POTEF: variants seen among roughly 807,000 people sequenced by gnomAD.
POTEF encodes the protein POTE ankyrin domain family member F.
Under a neutral mutation model 83.2 loss-of-function variants are expected in POTEF, and 20 were observed. The observed-to-expected ratio is 0.24, with a 90% CI of 0.17 to 0.35. POTEF has a LOEUF of 0.35. Ranked by LOEUF, POTEF falls within the 10% of genes least tolerant of loss-of-function variation. The pLI, the probability that POTEF is intolerant of heterozygous loss-of-function variation, is 1.00. For synonymous variants in POTEF, 196 were observed against 446.4 expected (o/e 0.44, Z 7.07); for missense variants, 550 against 1,203.2 (o/e 0.46, Z 8.03).
chr2:130,120,970 G>GC (rs1684987675), intron 2 of POTEF: 1 of 253,360 alleles, frequency 3.9e-6, no homozygotes, highest in Non-Finnish European at 7.4e-6. Flanking sequence ...CGTGCAGCAT[G>GC]CGCGTGCAAG....
chr2:130,103,152 G>A lies in POTEF; in HGVS notation c.1127-972C>T, dbSNP rs1452816513. Among the ~76,000 whole-genome samples the A allele has an allele frequency of 4.2e-5, 6 of 143,802 alleles. No individual in the cohort carries two copies. In the Admixed American group the frequency reaches 4.2e-4, roughly 10 times the overall value. 94.3% of individuals were successfully genotyped at this position (143,802 alleles called of 152,430 possible). On this transcript the variant is annotated intron_variant, in intron 8 of 16. Transcript: ENST00000409914. ...GGTCTTGCTCTGTCACCAGGCTGGA[G>A]TGCAGTGGCGCAATCTCAGCTCACT...
intron 7 of POTEF, among the ~76,000 whole-genome samples, chr2:130,108,512 G>A (rs1289737063): frequency 6.6e-6 from 1 of 151,262 alleles, no homozygotes; most frequent in African/African-American, 2.5e-5. Flanking sequence ...AATGCTCAGA[G>A]AAATAGTAAA....
chr2:130,116,332 A>G (rs1325242315), intron 3 of POTEF, among the ~76,000 whole-genome samples: 2 of 150,440 alleles, frequency 1.3e-5, no homozygotes, highest in Admixed American at 1.3e-4. Flanking sequence ...TTATGAAACG[A>G]TTTGTGGAGC....
chr2:130,075,054 G>A lies in POTEF; in HGVS notation c.2418C>T (p.Thr806=), dbSNP rs566969052. The A allele has an allele frequency of 2.8e-5, 45 of 1,613,804 alleles. No homozygotes were observed. The South Asian group carries it at 3.0e-4, about 11-fold the overall frequency. The change falls in exon 17 of 17, where the codon ACC becomes ACT. Residue 806 remains threonine, a synonymous_variant. Transcript: ENST00000409914. The part of the protein sequence containing the change: ...VAPEEHPVLL[T]EATLNPKANR... ...TGGCCTTAGGGTTCAGGGTGGCCTC[G>A]GTCAGCAGGACGGGGTGCTCCTCGG...
At chr2:130,107,333 T>G (rs972613864) in intron 8 of POTEF, among the ~76,000 whole-genome samples, 1 of 150,960 alleles carries the variant, frequency 6.6e-6, no homozygotes, top group Admixed American at 6.6e-5. Flanking sequence ...AGGAATGAAG[T>G]CAGTAATAGT....
At chr2:130,103,219 C>CA (rs1261373042) in intron 8 of POTEF, among the ~76,000 whole-genome samples, 1 of 148,998 alleles carries the variant, frequency 6.7e-6, no homozygotes, top group Non-Finnish European at 1.5e-5. Flanking sequence ...TCTCCTGTCT[C>CA]AGTCTCCGGA....
At chr2:130,112,437 G>T in intron 5 of POTEF, among the ~76,000 whole-genome samples, 1 of 83,412 alleles carries the variant, frequency 1.2e-5, no homozygotes, top group South Asian at 3.8e-4. Context: ...TGAGGGCAGG[G>T]GCTGTATCTT....
chr2:130,119,457 G>A (rs1684940733), intron 3 of POTEF, among the ~76,000 whole-genome samples: 2 of 151,776 alleles, frequency 1.3e-5, no homozygotes, highest in South Asian at 2.1e-4. Flanking sequence ...ACCGCGCCCA[G>A]CCAAAAAGCT....
intron 3 of POTEF, among the ~76,000 whole-genome samples, chr2:130,119,250 A>G (rs1346712027): frequency 1.4e-5 from 2 of 146,960 alleles, no homozygotes; most frequent in African/African-American, 2.6e-5. Context: ...TGCAAGCTCC[A>G]CCTCCCGGGT....
chr2:130,100,800 A>C (rs1483708099), intron 9 of POTEF, 80 bp from the exon 10 acceptor site: 15 of 1,550,358 alleles, frequency 9.7e-6, no homozygotes, highest in Non-Finnish European at 1.3e-5. Flanking sequence ...TGTTTTAAAA[A>C]AATTTTATTC....
At position 130,126,648 on chromosome 2, in the gene POTEF, A is replaced by G. The variant is rs548281619; in HGVS notation, c.-94+1061T>C. ...CTTACCATTCCAATAATGGAACACT[A>G]GGCATAAGTGGTTTAACACAATCGT... On this transcript the variant is annotated intron_variant, in intron 2 of 16. Coordinates refer to ENST00000409914, the MANE Select transcript of POTEF (RefSeq NM_001099771.2). 3.1e-4 allele frequency among the ~76,000 whole-genome samples: 47 copies of G among 152,202 alleles called. No individual in the cohort carries two copies. In the East Asian group the frequency reaches 7.7e-3, roughly 25 times the overall value.
At chr2:130,115,090 T>G in intron 4 of POTEF, 36 bp from the exon 5 acceptor site, 2 of 1,467,932 alleles carry the variant, frequency 1.4e-6, no homozygotes, top group South Asian at 2.8e-5. Context: ...TTACAAATCT[T>G]AGGAATTCAA....
Position 130,108,985 on chromosome 2 carries a change from C to T in POTEF, c.1056-906G>A, listed in dbSNP as rs1684626732. Among the ~76,000 whole-genome samples the T allele has an allele frequency of 4.6e-5, 7 of 151,308 alleles. No individual in the cohort carries two copies. The South Asian group carries it at 1.5e-3, about 31-fold the overall frequency. On this transcript the variant is annotated intron_variant, in intron 7 of 16. Coordinates refer to ENST00000409914, the MANE Select transcript of POTEF (RefSeq NM_001099771.2). Reference sequence around the variant, plus strand: ...TTTTTTAGTTTCCACGGAGAAGTAGCAAGCTGACATTCTGTAATTTTCGAC... The same window carrying T: ...TTTTTTAGTTTCCACGGAGAAGTAGTAAGCTGACATTCTGTAATTTTCGAC...
intron 2 of POTEF, among the ~76,000 whole-genome samples, chr2:130,122,966 T>C (rs1296006673): frequency 1.3e-4 from 19 of 144,434 alleles, no homozygotes; most frequent in African/African-American, 4.7e-4. Flanking sequence ...TCCCTTCCTA[T>C]TTAGATGCCT....
chr2:130,095,054 G>A (rs1684212283), intron 11 of POTEF, among the ~76,000 whole-genome samples: 1 of 69,888 alleles, frequency 1.4e-5, no homozygotes, highest in Non-Finnish European at 2.9e-5. Context: ...TTGAGATGGA[G>A]TCTTGCTCTG....
At chr2:130,118,211 G>A (rs1388991704) in intron 3 of POTEF, among the ~76,000 whole-genome samples, 5 of 151,804 alleles carry the variant, frequency 3.3e-5, no homozygotes, top group African/African-American at 9.7e-5. Context: ...AAGTGCTGGG[G>A]TAACAGGCGT....
intron 7 of POTEF, chr2:130,109,437 A>G (rs987558305): frequency 1.4e-5 from 2 of 144,944 alleles, no homozygotes; most frequent in African/African-American, 5.4e-5. Flanking sequence ...GAGTTTGAAA[A>G]TATCTTAAAA....
intron 8 of POTEF, among the ~76,000 whole-genome samples, chr2:130,102,584 C>G (rs1245776457): frequency 6.7e-6 from 1 of 148,850 alleles, no homozygotes; most frequent in Non-Finnish European, 1.5e-5. Context: ...ACAAGCAGGG[C>G]CCAGGAAAGG....
chr2:130,126,535 G>A (rs1685097449), intron 2 of POTEF, among the ~76,000 whole-genome samples: 1 of 152,088 alleles, frequency 6.6e-6, no homozygotes, highest in Admixed American at 6.5e-5. Context: ...ATTTATGCCA[G>A]AGGCTGCAAT....
Sources: allele counts gnomAD v4.1 joint callset (sites outside exome capture counted in the v4.1 genomes callset), GRCh38; gene constraint gnomAD v4.1.1; transcripts MANE v1.5; gene names NCBI Gene and HGNC (gene_info 2026-07-23, HGNC 2026-07-21).